SRPK2: variants seen among roughly 807,000 people sequenced by gnomAD.
SRPK2 encodes the protein SFRS protein kinase 2.
Under a neutral mutation model 90.8 loss-of-function variants are expected in SRPK2, and 21 were observed. That is an observed-to-expected ratio of 0.23 (90% CI 0.16 to 0.33). SRPK2 has a LOEUF of 0.33. SRPK2 is among the 10% of genes least tolerant of loss of function. The probability of loss-of-function intolerance (pLI) is 1.00; values close to 1 mark genes in which losing one functional copy is unlikely to be tolerated. For missense variants in SRPK2, 620 were observed against 869.0 expected (o/e 0.71, Z 3.60); for synonymous variants, 288 against 311.1 (o/e 0.93, Z 0.78).
At chr7:105,267,156 G>A (rs139804485) in intron 2 of SRPK2, among the ~76,000 whole-genome samples, 181 of 152,220 alleles carry the variant, frequency 1.2e-3, no homozygotes, top group African/African-American at 4.1e-3. Flanking sequence ...CAGAGTGTAG[G>A]TAAGTAAATA....
intron 2 of SRPK2, among the ~76,000 whole-genome samples, chr7:105,263,642 C>T (rs1272308159): frequency 5.3e-5 from 8 of 152,072 alleles, no homozygotes; most frequent in Admixed American, 1.3e-4. Context: ...CCAAATGAAT[C>T]ACAGACTTAA....
At chr7:105,182,743 C>T (rs916895478) in intron 3 of SRPK2, among the ~76,000 whole-genome samples, 2 of 152,222 alleles carry the variant, frequency 1.3e-5, no homozygotes, top group Admixed American at 6.5e-5. Flanking sequence ...GCTGGGATTA[C>T]AGGCGTGAGC....
chr7:105,115,098 T>G (rs978159584), downstream of SRPK2, among the ~76,000 whole-genome samples: 6 of 152,216 alleles, frequency 3.9e-5, no homozygotes, highest in Non-Finnish European at 8.8e-5. Context: ...CAGAAGCTTT[T>G]GTGTGAACTG....
chr7:105,294,047 A>G (rs1809450167), intron 2 of SRPK2, among the ~76,000 whole-genome samples: 1 of 152,160 alleles, frequency 6.6e-6, no homozygotes, highest in East Asian at 1.9e-4. Flanking sequence ...TACAACATAC[A>G]ACATAGCCAA....
intron 2 of SRPK2, among the ~76,000 whole-genome samples, chr7:105,272,512 T>C (rs1805956305): frequency 6.6e-6 from 1 of 152,222 alleles, no homozygotes; most frequent in African/African-American, 2.4e-5. Flanking sequence ...TTTGTGGCTT[T>C]TTTTTAATGC....
rs751163455 is a variant in SRPK2, at chr7:105,215,624, A to G, written c.72-11839T>C. On this transcript the variant is annotated intron_variant, in intron 2 of 15. Transcript: ENST00000393651. ...GAATGGATAAATTAAAATGTGGTAT[A>G]TCCAATACAACAGACTATTACTCAA... Among the ~76,000 whole-genome samples the G allele has an allele frequency of 9.2e-5, 14 of 152,342 alleles. No individual in the cohort carries two copies. In the South Asian group the frequency reaches 1.2e-3, roughly 14 times the overall value.
chr7:105,132,937 G>C, intron 12 of SRPK2, 39 bp from the exon 13 acceptor site: 1 of 1,612,658 alleles, frequency 6.2e-7, no homozygotes, highest in South Asian at 1.1e-5. Flanking sequence ...GAGCAACACA[G>C]ACATTCAAAA....
intron 2 of SRPK2, among the ~76,000 whole-genome samples, chr7:105,338,548 T>C (rs555877941): frequency 6.6e-6 from 1 of 152,208 alleles, no homozygotes; most frequent in East Asian, 1.9e-4. Flanking sequence ...TAAGCCACTG[T>C]GCCCCGCAGA....
chr7:105,385,438 A>T (rs1821459897), intron 2 of SRPK2, among the ~76,000 whole-genome samples: 1 of 151,756 alleles, frequency 6.6e-6, no homozygotes. Context: ...GGCCTCCCAA[A>T]GTGCTGGGAT....
intron 2 of SRPK2, among the ~76,000 whole-genome samples, chr7:105,347,084 G>A (rs1289827410): frequency 1.4e-5 from 2 of 148,094 alleles, no homozygotes; most frequent in Non-Finnish European, 3.0e-5. Context: ...TTAAGATTAA[G>A]GTTTCATTCT....
intron 11 of SRPK2, 124 bp downstream of exon 11, chr7:105,141,875 TATAAAAGTA>T: frequency 2.1e-6 from 2 of 953,202 alleles, no homozygotes; most frequent in Non-Finnish European, 3.0e-6. Flanking sequence ...TCTTCAGGAG[TATAAAAGTA>T]ATAAAACTGA....
intron 3 of SRPK2, among the ~76,000 whole-genome samples, chr7:105,198,969 G>A (rs186891134): frequency 1.4e-3 from 216 of 152,248 alleles, no homozygotes; most frequent in Admixed American, 2.8e-3. Flanking sequence ...ATGGCTGTCA[G>A]GAAATGAAGA....
chr7:105,388,710 AGAG>A lies in SRPK2; in HGVS notation c.17-11_17-9del. On this transcript the variant is annotated splice_polypyrimidine_tract_variant and intron_variant, in intron 1 of 15. Transcript: ENST00000393651. ...GGGCCTGAATGGCCAGCACTGGGGAAGAGAAGACACACATTAACGGTCGGGCCG... is the reference window on the plus strand; with the variant it reads ...GGGCCTGAATGGCCAGCACTGGGGAAAAGACACACATTAACGGTCGGGCCG... 6.3e-7 allele frequency: 1 copy of A among 1,578,068 alleles called. No homozygotes were observed. The highest frequency in any genetic ancestry group is 8.6e-7 in the Non-Finnish European group (1 of 1,161,258).
At chr7:105,334,523 G>C (rs1814829725) in intron 2 of SRPK2, among the ~76,000 whole-genome samples, 1 of 151,850 alleles carries the variant, frequency 6.6e-6, no homozygotes, top group African/African-American at 2.4e-5. Flanking sequence ...GCCTAGCCCT[G>C]ATGTTTCTGG....
At chr7:105,372,267 G>C (rs1337526493) in intron 2 of SRPK2, among the ~76,000 whole-genome samples, 1 of 151,206 alleles carries the variant, frequency 6.6e-6, no homozygotes, top group African/African-American at 2.4e-5. Flanking sequence ...CATAAAACAA[G>C]AGTGGAAAAG....
At chr7:105,352,986 T>C (rs944782250) in intron 2 of SRPK2, among the ~76,000 whole-genome samples, 2 of 152,170 alleles carry the variant, frequency 1.3e-5, no homozygotes, top group Admixed American at 6.5e-5. Flanking sequence ...AGTACCTCTA[T>C]TGGTTAACAT....
Position 105,352,460 on chromosome 7 carries a change from G to T in SRPK2, c.71+36188C>A, listed in dbSNP as rs1344274557. 2.0e-5 allele frequency among the ~76,000 whole-genome samples: 3 copies of T among 152,254 alleles called. No individual in the cohort carries two copies. The East Asian group carries it at 5.8e-4, about 29-fold the overall frequency. ...CCTGGAAGCAGATCCTCCAGCCTCA[G>T]CCAAGCCTTCAAAATGACTGCAACC... On this transcript the variant is annotated intron_variant, in intron 2 of 15. Coordinates refer to ENST00000393651, the MANE Select transcript of SRPK2 (RefSeq NM_182692.3).
intron 2 of SRPK2, among the ~76,000 whole-genome samples, chr7:105,225,541 T>A (rs766914153): frequency 6.6e-6 from 1 of 152,110 alleles, no homozygotes; most frequent in African/African-American, 2.4e-5. Flanking sequence ...CACTTTTAAG[T>A]ATGACACATA....
At chr7:105,334,307 T>C (rs967428828) in intron 2 of SRPK2, among the ~76,000 whole-genome samples, 1 of 152,146 alleles carries the variant, frequency 6.6e-6, no homozygotes, top group African/African-American at 2.4e-5. Context: ...TCTCATCTCT[T>C]GACCTCGTGA....
Sources: allele counts gnomAD v4.1 joint callset (sites outside exome capture counted in the v4.1 genomes callset), GRCh38; gene constraint gnomAD v4.1.1; transcripts MANE v1.5; gene names NCBI Gene and HGNC (gene_info 2026-07-23, HGNC 2026-07-21).